The following C3orf33 variants were observed in gnomAD, a reference collection of about 807,000 sequenced individuals.
C3orf33 encodes the protein AP-1 activity suppressor.
C3orf33 carries 23 observed loss-of-function variants against 28.7 expected under a neutral mutation model. The observed-to-expected ratio is 0.80, with a 90% confidence interval of 0.58 to 1.13. The LOEUF is 1.13. Ranked by LOEUF, C3orf33 falls within the 50% of genes most tolerant of loss-of-function variation. The pLI, the probability that C3orf33 is intolerant of heterozygous loss-of-function variation, is 0.00. For synonymous variants in C3orf33, 119 were observed against 120.5 expected (o/e 0.99, Z 0.08); for missense variants, 327 against 353.4 (o/e 0.93, Z 0.60).
intron 2 of C3orf33, among the ~76,000 whole-genome samples, chr3:155,786,555 A>C (rs983270545): frequency 6.6e-6 from 1 of 152,192 alleles, no homozygotes; most frequent in Non-Finnish European, 1.5e-5. Context: ...GGCCAGGCAC[A>C]GTGGCTCACG....
At chr3:155,805,571 G>C (rs1751785587) in intron 1 of C3orf33, 1 of 390,878 alleles carries the variant, frequency 2.6e-6, no homozygotes. Context: ...CTAAAAGAAA[G>C]TAGTCGATGG....
chr3:155,799,368 T>G (rs35404700), intron 2 of C3orf33, among the ~76,000 whole-genome samples: 56,416 of 152,026 alleles, frequency 0.37, 11,775 homozygotes, highest in Middle Eastern at 0.51. Context: ...GGAAGCAACC[T>G]AAGTGTCCAT....
Position 155,763,730 on chromosome 3 carries a change from A to C in C3orf33, c.672T>G (p.Ser224Arg). ...GIWKEDSEKE[S>R]YLEKFKDSWR... Reference sequence around the variant, plus strand: ...AGGAATCTTTGAATTTTTCTAAGTAACTTTCTTTTTCAGAGTCTTCCTTCC... The same window carrying C: ...AGGAATCTTTGAATTTTTCTAAGTACCTTTCTTTTTCAGAGTCTTCCTTCC... Residue 224 changes from serine (S) to arginine (R), a missense_variant, in exon 5 of 5, where the codon AGT becomes AGG. Ser to Arg is a moderately radical substitution (Grantham distance 110, BLOSUM62 -1). Coordinates refer to ENST00000340171, the MANE Select transcript of C3orf33 (RefSeq NM_001308229.2). 1 of 1,594,680 alleles carries C rather than the reference A, an allele frequency of 6.3e-7. No homozygotes were observed. Among genetic ancestry groups the C allele is most frequent in the Non-Finnish European group, 8.5e-7 (1 of 1,175,054 alleles).
intron 2 of C3orf33, among the ~76,000 whole-genome samples, chr3:155,787,686 T>A (rs192505554): frequency 6.0e-4 from 91 of 151,532 alleles, no homozygotes; most frequent in East Asian, 1.4e-3. Context: ...CTATTTATTT[T>A]TTTTTTTTGT....
At chr3:155,794,813 A>G (rs1482387042) in intron 2 of C3orf33, among the ~76,000 whole-genome samples, 1 of 152,194 alleles carries the variant, frequency 6.6e-6, no homozygotes, top group East Asian at 1.9e-4. Context: ...AGAGACAAAG[A>G]AGGTCATTAT....
Position 155,763,604 on chromosome 3 carries a change from T to G in C3orf33, c.798A>C (p.Glu266Asp). The change falls in exon 5 of 5, where the codon GAA (glutamate) becomes GAC (aspartate). Residue 266 changes from glutamate to aspartate, a missense_variant. Transcript: ENST00000340171. ...SYYEKLKRTY[E>D]IWKDNMNNCS... ...AGTTGTTCATGTTGTCTTTCCATAT[T>G]TCATAAGTCCTTTTAAGTTTTTCAT... 1.3e-6 allele frequency: 2 copies of G among 1,588,410 alleles called. No individual in the cohort carries two copies. Among genetic ancestry groups the G allele is most frequent in the Non-Finnish European group, 8.5e-7 (1 of 1,173,564 alleles).
chr3:155,783,157 A>ATTTT (rs544861385), intron 2 of C3orf33, among the ~76,000 whole-genome samples: 1 of 142,458 alleles, frequency 7.0e-6, no homozygotes, highest in African/African-American at 2.6e-5. Flanking sequence ...CCCATTCTAC[A>ATTTT]TTTTTTTTTT....
intron 3 of C3orf33, among the ~76,000 whole-genome samples, chr3:155,770,607 C>T (rs932272588): frequency 6.6e-6 from 1 of 152,146 alleles, no homozygotes; most frequent in African/African-American, 2.4e-5. Context: ...ATATGATCAA[C>T]AAGAATTTAA....
At chr3:155,799,479 A>G (rs1751577420) in intron 2 of C3orf33, among the ~76,000 whole-genome samples, 1 of 152,174 alleles carries the variant, frequency 6.6e-6, no homozygotes, top group African/African-American at 2.4e-5. Flanking sequence ...ACTTGAGCCC[A>G]GGAGCTGGAG....
chr3:155,773,748 A>G (rs1184665881), intron 3 of C3orf33, among the ~76,000 whole-genome samples: 2 of 152,230 alleles, frequency 1.3e-5, no homozygotes, highest in Non-Finnish European at 2.9e-5. Flanking sequence ...GGACAACCAC[A>G]GGTGATGATC....
chr3:155,791,609 A>G (rs1751318205), intron 2 of C3orf33, among the ~76,000 whole-genome samples: 1 of 152,028 alleles, frequency 6.6e-6, no homozygotes, highest in South Asian at 2.1e-4. Flanking sequence ...CCCTGATGGG[A>G]GAGTCCCAGG....
intron 4 of C3orf33, among the ~76,000 whole-genome samples, chr3:155,766,084 A>G (rs1750393819): frequency 6.6e-6 from 1 of 151,734 alleles, no homozygotes; most frequent in Admixed American, 6.6e-5. Flanking sequence ...GTTGGAGTAC[A>G]TTGGTGCGAT....
At chr3:155,792,306 A>T (rs1454334209) in intron 2 of C3orf33, among the ~76,000 whole-genome samples, 1 of 152,178 alleles carries the variant, frequency 6.6e-6, no homozygotes, top group East Asian at 1.9e-4. Context: ...GTGACCAAAA[A>T]CTTAGATGAC....
At chr3:155,793,828 C>A (rs199952848) in intron 2 of C3orf33, among the ~76,000 whole-genome samples, 1,061 of 96,480 alleles carry the variant, frequency 0.011, 88 homozygotes, top group African/African-American at 0.031. Flanking sequence ...AAAAAAAAAA[C>A]TAAAAAAACT....
chr3:155,772,841 G>T lies in C3orf33; in HGVS notation c.322+2860C>A, dbSNP rs142811798. On this transcript the variant is annotated intron_variant, in intron 3 of 4. Coordinates refer to ENST00000340171, the MANE Select transcript of C3orf33 (RefSeq NM_001308229.2). ...CCTCATTCATACATACCAAAAATAA[G>T]ACAGCCGAAGGGATAGGTGGCACAG... Among the ~76,000 whole-genome samples, 685 of 146,596 alleles carry T rather than the reference G, an allele frequency of 4.7e-3. 10 individuals carry two copies. The highest frequency in any genetic ancestry group is 0.016 in the African/African-American group (639 of 40,112).
intron 2 of C3orf33, among the ~76,000 whole-genome samples, chr3:155,782,569 G>A (rs1161863226): frequency 6.6e-6 from 1 of 152,186 alleles, no homozygotes; most frequent in Non-Finnish European, 1.5e-5. Context: ...CAGAAACTTT[G>A]GAGGCTATAA....
At chr3:155,780,662 C>A (rs1750890842) in intron 2 of C3orf33, among the ~76,000 whole-genome samples, 1 of 152,198 alleles carries the variant, frequency 6.6e-6, no homozygotes, top group African/African-American at 2.4e-5. Context: ...ATATCCATTG[C>A]TAAATCCCTT....
At chr3:155,781,798 C>T (rs1474691344) in intron 2 of C3orf33, among the ~76,000 whole-genome samples, 1 of 147,530 alleles carries the variant, frequency 6.8e-6, no homozygotes, top group Non-Finnish European at 1.5e-5. Context: ...AAATAGTGGG[C>T]CGGGTGCGGT....
At chr3:155,771,732 T>C (rs568518036) in intron 3 of C3orf33, among the ~76,000 whole-genome samples, 1 of 152,334 alleles carries the variant, frequency 6.6e-6, no homozygotes, top group South Asian at 2.1e-4. Flanking sequence ...TAGTTTTGTG[T>C]TACTGTGACG....
Sources: allele counts gnomAD v4.1 joint callset (sites outside exome capture counted in the v4.1 genomes callset), GRCh38; gene constraint gnomAD v4.1.1; transcripts MANE v1.5; gene names NCBI Gene and HGNC (gene_info 2026-07-23, HGNC 2026-07-21).